Variants in GRIA2 observed in about 807,000 individuals in gnomAD.
GRIA2 encodes glutamate ionotropic receptor AMPA type subunit 2.
In GRIA2, 14 loss-of-function variants were observed where a neutral mutation model predicts 97.3. The ratio of observed to expected loss-of-function variants is 0.14; its 90% confidence interval spans 0.10 to 0.23. The LOEUF (loss-of-function observed/expected upper bound fraction) is 0.23, where lower values mean the gene tolerates loss of function less well. GRIA2 is among the 10% of genes least tolerant of loss of function. The pLI, the probability that GRIA2 is intolerant of heterozygous loss-of-function variation, is 1.00. For missense variants in GRIA2, 558 were observed against 1,069.8 expected (o/e 0.52, Z 6.67); for synonymous variants, 412 against 387.8 (o/e 1.06, Z -0.73).
intron 4 of GRIA2, among the ~76,000 whole-genome samples, chr4:157,316,095 C>CT (rs1412606088): frequency 6.6e-6 from 1 of 151,966 alleles, no homozygotes; most frequent in Non-Finnish European, 1.5e-5. Flanking sequence ...ACCTTTTATA[C>CT]TATGTTTTTA....
At chr4:157,355,933 T>TATATATATTAATATATTTATATA (rs1560781153) in intron 12 of GRIA2, among the ~76,000 whole-genome samples, 2 of 23,472 alleles carry the variant, frequency 8.5e-5, no homozygotes, top group Non-Finnish European at 1.7e-4. Flanking sequence ...TTATATATAT[T>TATATATATTAATATATTTATATA]TATATATTAA....
At chr4:157,309,350 T>G (rs1370066612) in intron 3 of GRIA2, among the ~76,000 whole-genome samples, 2 of 128,318 alleles carry the variant, frequency 1.6e-5, no homozygotes, top group East Asian at 2.1e-4. Context: ...AATTTCTTGG[T>G]TTTTTTTTTT....
intron 2 of GRIA2, among the ~76,000 whole-genome samples, chr4:157,223,786 T>C (rs544981926): frequency 9.6e-4 from 146 of 152,314 alleles, no homozygotes; most frequent in African/African-American, 3.2e-3. Flanking sequence ...AGTTCACTCA[T>C]TGGTGAAAAT....
In GRIA2 at chr4:157,362,940, A is replaced by G. The variant is rs1736699749; in HGVS notation, c.2548A>G (p.Lys850Glu). Reference sequence around the variant, plus strand: ...CGAGGCGAAACGAATGAAGGTGGCAAAGAATGCACAGAATATTAACCCATC... The same window carrying G: ...CGAGGCGAAACGAATGAAGGTGGCAGAGAATGCACAGAATATTAACCCATC... ...RAEAKRMKVA[K>E]NAQNINPSSS... Residue 850 changes from lysine to glutamate, a missense_variant, in exon 15 of 16, where the codon AAG (lysine) becomes GAG (glutamate). Lys to Glu is a moderately conservative substitution (Grantham distance 56, BLOSUM62 1). This residue lies in a region of GRIA2 where 54 missense variants were observed against 82.1 expected (regional missense o/e 0.66). Coordinates refer to ENST00000264426, the MANE Select transcript of GRIA2 (RefSeq NM_001083619.3). 1.9e-6 allele frequency: 3 copies of G among 1,613,636 alleles called. No homozygotes were observed. The highest frequency in any genetic ancestry group is 2.5e-6 in the Non-Finnish European group (3 of 1,179,694).
intron 11 of GRIA2, among the ~76,000 whole-genome samples, chr4:157,340,669 G>C (rs1176687388): frequency 6.6e-6 from 1 of 151,622 alleles, no homozygotes; most frequent in Admixed American, 6.6e-5. Context: ...GTTATATTTT[G>C]TGCGGTATCT....
At chr4:157,278,218 C>T (rs540568758) in intron 2 of GRIA2, among the ~76,000 whole-genome samples, 1 of 151,864 alleles carries the variant, frequency 6.6e-6, no homozygotes, top group East Asian at 1.9e-4. Context: ...GACTTTAAGA[C>T]TACCTTACTA....
At chr4:157,363,147 C>T (rs1736711251) in intron 15 of GRIA2, 100 bp downstream of exon 15, 2 of 1,208,018 alleles carry the variant, frequency 1.7e-6, no homozygotes, top group African/African-American at 1.5e-5. Context: ...ATGGATCATC[C>T]TGTATGTATT....
At chr4:157,271,978 AT>A (rs1426523752) in intron 2 of GRIA2, among the ~76,000 whole-genome samples, 1 of 152,120 alleles carries the variant, frequency 6.6e-6, no homozygotes, top group East Asian at 1.9e-4. Context: ...CTTTCGGAAA[AT>A]GTATTTTTTC....
At chr4:157,258,197 T>C (rs552335651) in intron 2 of GRIA2, among the ~76,000 whole-genome samples, 1 of 152,168 alleles carries the variant, frequency 6.6e-6, no homozygotes, top group South Asian at 2.1e-4. Flanking sequence ...ACAAGGGAGA[T>C]AACTATTAGG....
chr4:157,314,403 A>G (rs1725503788), intron 4 of GRIA2, among the ~76,000 whole-genome samples: 1 of 152,244 alleles, frequency 6.6e-6, no homozygotes, highest in African/African-American at 2.4e-5. Flanking sequence ...CTAACTTGTT[A>G]TGCAAAAGAA....
chr4:157,338,330 T>G (rs561558492), intron 11 of GRIA2, among the ~76,000 whole-genome samples: 1 of 151,700 alleles, frequency 6.6e-6, no homozygotes, highest in African/African-American at 2.4e-5. Flanking sequence ...TAGGGAGAAG[T>G]GTATGTGGGT....
In GRIA2 at chr4:157,303,786, A is replaced by T; in HGVS notation, c.464A>T (p.Asp155Val). Residue 155 changes from aspartate to valine, a missense_variant, in exon 3 of 16, where the codon GAC becomes GTC. By Grantham distance (152) the Asp-to-Val change is radical (BLOSUM62 -3). This residue lies in a region of GRIA2 where 173 missense variants were observed against 209.1 expected (regional missense o/e 0.83). Transcript: ENST00000264426. ...WDKFAYLYDS[D>V]RGLSTLQAVL... is the part of the protein sequence containing the mutation. ...AAGTTTGCATACCTCTATGACAGTG[A>T]CAGAGGTAAGTGACAGTATCTCATC... 3 of 1,613,814 alleles carry T rather than the reference A, an allele frequency of 1.9e-6. No individual in the cohort carries two copies. Among genetic ancestry groups the T allele is most frequent in the Non-Finnish European group, 2.5e-6 (3 of 1,179,698 alleles).
chr4:157,309,266 A>T (rs1733968302), intron 3 of GRIA2, among the ~76,000 whole-genome samples: 1 of 152,116 alleles, frequency 6.6e-6, no homozygotes, highest in South Asian at 2.1e-4. Flanking sequence ...AGTTTTAATA[A>T]CAGTGAATCC....
chr4:157,343,520 A>G lies in GRIA2; in HGVS notation c.2043+2058A>G, dbSNP rs540898726. ...TGGTTACATCCACACTTGTTTGTGT[A>G]ATGCTAGAGACACGGTTGAAACCCA... On this transcript the variant is annotated intron_variant, in intron 12 of 15. Coordinates refer to ENST00000264426, the MANE Select transcript of GRIA2 (RefSeq NM_001083619.3). 5.9e-5 allele frequency among the ~76,000 whole-genome samples: 9 copies of G among 152,166 alleles called. 1 individual carries two copies. The highest frequency in any genetic ancestry group is 1.7e-4 in the African/African-American group (7 of 41,556).
intron 12 of GRIA2, among the ~76,000 whole-genome samples, chr4:157,354,724 T>G (rs1017856631): frequency 6.6e-6 from 1 of 152,148 alleles, no homozygotes; most frequent in African/African-American, 2.4e-5. Context: ...TTATTTAGCT[T>G]GTGCACAAGG....
At chr4:157,257,726 T>C (rs552156412) in intron 2 of GRIA2, among the ~76,000 whole-genome samples, 22 of 152,180 alleles carry the variant, frequency 1.4e-4, no homozygotes, top group African/African-American at 4.8e-4. Flanking sequence ...TCCAGCACAA[T>C]TGAAGACTAT....
At chr4:157,239,734 A>G (rs1730417245) in intron 2 of GRIA2, among the ~76,000 whole-genome samples, 1 of 151,936 alleles carries the variant, frequency 6.6e-6, no homozygotes, top group African/African-American at 2.4e-5. Flanking sequence ...AAATGGAAAA[A>G]TCAATAAGTA....
At chr4:157,289,011 G>A (rs1015165348) in intron 2 of GRIA2, among the ~76,000 whole-genome samples, 10 of 151,846 alleles carry the variant, frequency 6.6e-5, no homozygotes, top group African/African-American at 2.2e-4. Flanking sequence ...TGTTTTTAGC[G>A]TTAACCTTCC....
chr4:157,298,726 GT>G (rs1367128529), intron 2 of GRIA2, among the ~76,000 whole-genome samples: 1 of 139,096 alleles, frequency 7.2e-6, no homozygotes, highest in Non-Finnish European at 1.5e-5. Flanking sequence ...ATAAAATTCC[GT>G]TTTTTTCCTG....
Sources: allele counts gnomAD v4.1 joint callset (sites outside exome capture counted in the v4.1 genomes callset), GRCh38; gene constraint gnomAD v4.1.1; regional missense constraint gnomAD v4.1.1; transcripts MANE v1.5; gene names NCBI Gene and HGNC (gene_info 2026-07-23, HGNC 2026-07-21).